HOMEZ: variants seen among roughly 807,000 people sequenced by gnomAD.
The protein encoded by HOMEZ is homeobox and leucine zipper protein Homez.
Under a neutral mutation model 50.1 loss-of-function variants are expected in HOMEZ, and 20 were observed. That is an observed-to-expected ratio of 0.40 (90% CI 0.28 to 0.58). The LOEUF (loss-of-function observed/expected upper bound fraction) is 0.58, where lower values mean the gene tolerates loss of function less well. Among genes scored for constraint, HOMEZ ranks in the 20% least tolerant of loss-of-function variants. HOMEZ has a pLI of 0.46. For synonymous variants in HOMEZ, 239 were observed against 254.7 expected (o/e 0.94, Z 0.59); for missense variants, 579 against 680.5 (o/e 0.85, Z 1.66).
At chr14:23,278,108 G>C (rs1326095408) in intron 1 of HOMEZ, among the ~76,000 whole-genome samples, 1 of 151,084 alleles carries the variant, frequency 6.6e-6, no homozygotes, top group Non-Finnish European at 1.5e-5. Flanking sequence ...TTACAGGCAT[G>C]AGTCACCACA....
intron 1 of HOMEZ, among the ~76,000 whole-genome samples, chr14:23,284,362 G>C (rs1886617625): frequency 6.6e-6 from 1 of 152,164 alleles, no homozygotes; most frequent in African/African-American, 2.4e-5. Context: ...GAGTGGAAGG[G>C]AGGGATGCTC....
rs368083443 is a variant in HOMEZ, at chr14:23,282,324, TA to T, written c.40+3588del. On this transcript the variant is annotated intron_variant, in intron 1 of 1. Coordinates refer to ENST00000357460, the MANE Select transcript of HOMEZ (RefSeq NM_020834.3). ...ACAATTTCAGAATGTATTTGCCACTTAAAAAAATGTATGAAAACCAGTGCTT... is the reference window on the plus strand; with the variant it reads ...ACAATTTCAGAATGTATTTGCCACTTAAAAAATGTATGAAAACCAGTGCTT... Among the ~76,000 whole-genome samples the T allele has an allele frequency of 3.7e-4, 56 of 152,268 alleles. 1 individual carries two copies. In the South Asian group the frequency reaches 9.1e-3, roughly 25 times the overall value.
chr14:23,280,735 ATTTTATTATTTTATT>A (rs1366548873), intron 1 of HOMEZ, among the ~76,000 whole-genome samples: 2,278 of 77,906 alleles, frequency 0.029, 85 homozygotes, highest in South Asian at 0.11. Flanking sequence ...ATTTTATTTT[ATTTTATTATTTTATT>A]TTATTTTATT....
At position 23,277,953 on chromosome 14, in the gene HOMEZ, C is replaced by T. The variant is rs1886404893; in HGVS notation, c.41-766G>A. 2.7e-5 allele frequency among the ~76,000 whole-genome samples: 4 copies of T among 150,632 alleles called. No homozygotes were observed. In the South Asian group the frequency reaches 6.3e-4, roughly 24 times the overall value. Reference sequence around the variant, plus strand: ...CAAGCAATTCTCTACCTCAGCCTCCCGAGTAGCTGGGATTACAGGTGCCCG... The same window carrying T: ...CAAGCAATTCTCTACCTCAGCCTCCTGAGTAGCTGGGATTACAGGTGCCCG... On this transcript the variant is annotated intron_variant, in intron 1 of 1. Transcript: ENST00000357460.
rs570927271 is a variant in HOMEZ at position 23,286,074 on chromosome 14, T to C, written c.-122A>G. The C allele has an allele frequency of 2.4e-5, 30 of 1,230,248 alleles. No individual in the cohort carries two copies. The highest frequency in any genetic ancestry group is 3.0e-5 in the Non-Finnish European group (30 of 986,980). The allele number at this position is 1,230,248 out of a possible 1,614,324, so 76.2% of individuals were successfully genotyped here. On this transcript the variant is annotated 5_prime_UTR_variant, in exon 1 of 2. Coordinates refer to ENST00000357460, the MANE Select transcript of HOMEZ (RefSeq NM_020834.3). ...GAAACCGGGACTGCCCCCCCCACCG[T>C]CCCCGGGAGCGCGCCGGTCTACCCA...
rs369109444 is a variant in HOMEZ at position 23,276,389 on chromosome 14, C to G, written c.839G>C (p.Ser280Thr). 16 of 1,613,876 alleles carry G rather than the reference C, an allele frequency of 9.9e-6. No homozygotes were observed. Among genetic ancestry groups the G allele is most frequent in the Non-Finnish European group, 1.2e-5 (14 of 1,179,874 alleles). ...GGTAGAGGAAGAAGAGGGAGTAACA[C>G]TAGATGCTGACTCCTCCTTACAACT... is the stretch of plus-strand genomic sequence containing the variant. ...ASSCKEESAS[S>T]VTPSSSSTSS... Residue 280 changes from serine to threonine, a missense_variant, in exon 2 of 2, where the codon AGT becomes ACT. Ser to Thr is a moderately conservative substitution (Grantham distance 58, BLOSUM62 1). Transcript: ENST00000357460. The surrounding 1 kb of genome is among the most constrained non-coding windows in gnomAD (Gnocchi z 4.1).
rs976483775 is a variant in HOMEZ at position 23,286,062 on chromosome 14, C to T, written c.-110G>A. On this transcript the variant is annotated 5_prime_UTR_variant, in exon 1 of 2. Coordinates refer to ENST00000357460, the MANE Select transcript of HOMEZ (RefSeq NM_020834.3). Reference sequence around the variant, plus strand: ...CCAGCGATGGCCGAAACCGGGACTGCCCCCCCCACCGTCCCCGGGAGCGCG... The same window carrying T: ...CCAGCGATGGCCGAAACCGGGACTGTCCCCCCCACCGTCCCCGGGAGCGCG... The T allele has an allele frequency of 5.7e-6, 7 of 1,226,412 alleles. No homozygotes were observed. In the African/African-American group the frequency reaches 9.3e-5, roughly 16 times the overall value. The allele number at this position is 1,226,412 out of a possible 1,614,324, so 76.0% of individuals were successfully genotyped here. A position where few individuals can be genotyped will look rare whatever the true frequency, so the allele number is the denominator to read the frequency against.
Position 23,277,094 on chromosome 14 carries a change from G to A in HOMEZ, c.134C>T (p.Pro45Leu). 1 of 1,614,010 alleles carries A rather than the reference G, an allele frequency of 6.2e-7. No homozygotes were observed. Among genetic ancestry groups the A allele is most frequent in the Non-Finnish European group, 8.5e-7 (1 of 1,179,872 alleles). ...AAGCTGTAGCTCCTCAGAGATTGGA[G>A]GGAGGCAGATGAGCCCCGCTGGTGA... ...SSSPAGLICL[P>L]PISEELQLVW... Residue 45 changes from proline to leucine, a missense_variant, in exon 2 of 2, where the codon CCT becomes CTT. Transcript: ENST00000357460.
In HOMEZ at chr14:23,272,989, T is replaced by A. The variant is rs536056746; in HGVS notation, c.*2586A>T. The A allele has an allele frequency of 1.5e-6, 1 of 678,036 alleles. No individual in the cohort carries two copies. Among genetic ancestry groups the A allele is most frequent in the Non-Finnish European group, 2.5e-6 (1 of 406,462 alleles). 42.0% of individuals were successfully genotyped at this position (678,036 alleles called of 1,614,324 possible). ...TGGCCCTGGAAAATGTATCCCTGCATTGTTTCCTAGTTTCACTCTGTACCT... is the reference window on the plus strand; with the variant it reads ...TGGCCCTGGAAAATGTATCCCTGCAATGTTTCCTAGTTTCACTCTGTACCT... On this transcript the variant is annotated 3_prime_UTR_variant, in exon 2 of 2. Coordinates refer to ENST00000357460, the MANE Select transcript of HOMEZ (RefSeq NM_020834.3).
chr14:23,277,920 C>G (rs1886404109), intron 1 of HOMEZ, among the ~76,000 whole-genome samples: 1 of 148,182 alleles, frequency 6.7e-6, no homozygotes, highest in Non-Finnish European at 1.5e-5. Flanking sequence ...ACCTCCACCT[C>G]CCAGGTTCAA....
Position 23,273,606 on chromosome 14 carries a change from G to A in HOMEZ, c.*1969C>T, listed in dbSNP as rs1886263785. On this transcript the variant is annotated 3_prime_UTR_variant, in exon 2 of 2. Transcript: ENST00000357460. ...AATTAAATAGGTTAGCCACTCACAA[G>A]CTGGCCTTAAGCAAAAATACTGGAA... 1 of 152,224 alleles carries A rather than the reference G, an allele frequency of 6.6e-6. No homozygotes were observed. The highest frequency in any genetic ancestry group is 2.4e-5 in the African/African-American group (1 of 41,456). 9.4% of individuals were successfully genotyped at this position (152,224 alleles called of 1,614,324 possible).
At chr14:23,282,051 G>A (rs1040613759) in intron 1 of HOMEZ, among the ~76,000 whole-genome samples, 2 of 151,930 alleles carry the variant, frequency 1.3e-5, no homozygotes, top group Non-Finnish European at 2.9e-5. Context: ...ATGAAAAAGT[G>A]CACTTGACAT....
chr14:23,286,109 G>C lies in HOMEZ; in HGVS notation c.-157C>G, dbSNP rs546235900. ...CGCGCCGGTCTACCCAGCCCTGCTC[G>C]AGCAAGTTGGAGGCGGGGCGGATGG... On this transcript the variant is annotated 5_prime_UTR_variant, in exon 1 of 2. Coordinates refer to ENST00000357460, the MANE Select transcript of HOMEZ (RefSeq NM_020834.3). The C allele has an allele frequency of 1.1e-5, 13 of 1,229,724 alleles. No homozygotes were observed. Among genetic ancestry groups the C allele is most frequent in the South Asian group, 4.2e-5 (1 of 23,974 alleles). The allele number at this position is 1,229,724 out of a possible 1,614,324, so 76.2% of individuals were successfully genotyped here.
chr14:23,280,701 A>ATTTT (rs1349289532), intron 1 of HOMEZ, among the ~76,000 whole-genome samples: 8 of 69,992 alleles, frequency 1.1e-4, no homozygotes, highest in Admixed American at 3.2e-4. Context: ...TTTTATTTTT[A>ATTTT]TATTTTTATT....
intron 1 of HOMEZ, 192 bp downstream of exon 1, chr14:23,285,721 C>T: frequency 2.5e-6 from 1 of 404,288 alleles, no homozygotes; most frequent in Non-Finnish European, 4.3e-6. Context: ...TTCTTGCCCT[C>T]CCCTACACAG....
In HOMEZ at chr14:23,276,810, A is replaced by G; in HGVS notation, c.418T>C (p.Ser140Pro). 2 of 1,614,034 alleles carry G rather than the reference A, an allele frequency of 1.2e-6. No individual in the cohort carries two copies. The highest frequency in any genetic ancestry group is 1.7e-6 in the Non-Finnish European group (2 of 1,179,898). ...GGCCGTCCCGCATGATGAGTAAAAG[A>G]GAGAAGGGATTTGAAATGGAGTTGG... ...RDQLHFKSLLSFTHHAGRPPE... is the reference protein window; with the variant it reads ...RDQLHFKSLLPFTHHAGRPPE... The change falls in exon 2 of 2, where the codon TCT becomes CCT. Residue 140 changes from serine to proline, a missense_variant. Coordinates refer to ENST00000357460, the MANE Select transcript of HOMEZ (RefSeq NM_020834.3). The surrounding 1 kb of genome is among the most constrained non-coding windows in gnomAD (Gnocchi z 4.1).
chr14:23,275,624 TC>T lies in HOMEZ; in HGVS notation c.1603del (p.Glu535ArgfsTer12). On this transcript the variant is annotated frameshift_variant, in exon 2 of 2. Coordinates refer to ENST00000357460, the MANE Select transcript of HOMEZ (RefSeq NM_020834.3). LOFTEE classifies it high-confidence loss of function. ...PEDDEEEEEE[E>X]EEDDDDDDDD... ...ATCATCATCATCATCATCTTCCTCC[TC>T]CTCCTCCTCCTCTTCCTCATCATCT... 6.5e-7 allele frequency: 1 copy of T among 1,549,862 alleles called. No homozygotes were observed.
In HOMEZ at chr14:23,272,552, C is replaced by T. The variant is rs1405653422; in HGVS notation, c.*3023G>A. ...GGTAGTCATCTCTGGGTGTGGTAGT[C>T]ATATGTCCCAGATTTTCCAAAATAG... On this transcript the variant is annotated 3_prime_UTR_variant, in exon 2 of 2. Transcript: ENST00000357460. The T allele has an allele frequency of 6.8e-6, 3 of 441,718 alleles. No homozygotes were observed. The highest frequency in any genetic ancestry group is 1.2e-5 in the Non-Finnish European group (3 of 244,264). 27.4% of individuals were successfully genotyped at this position (441,718 alleles called of 1,614,324 possible).
At chr14:23,280,720 ATTTTATTTTATTTTATTTTATTATT>A (rs1886506021) in intron 1 of HOMEZ, among the ~76,000 whole-genome samples, 4 of 65,052 alleles carry the variant, frequency 6.1e-5, no homozygotes, top group African/African-American at 2.4e-4. Flanking sequence ...TTTTTATTTT[ATTTTATTTTATTTTATTTTATTATT>A]TTATTTTATT....
Sources: allele counts gnomAD v4.1 joint callset (sites outside exome capture counted in the v4.1 genomes callset), GRCh38; gene constraint gnomAD v4.1.1; non-coding constraint Gnocchi (gnomAD v3.1); transcripts MANE v1.5; gene names NCBI Gene and HGNC (gene_info 2026-07-23, HGNC 2026-07-21).